Variants in PFKL observed in about 807,000 individuals in gnomAD.
PFKL encodes the protein ATP-dependent 6-phosphofructokinase, liver type.
Under a neutral mutation model 92.1 loss-of-function variants are expected in PFKL, and 74 were observed. That is an observed-to-expected ratio of 0.80 (90% confidence interval 0.67 to 0.97). The LOEUF is 0.97. PFKL is among the 50% of genes least tolerant of loss of function. The probability of loss-of-function intolerance (pLI) is 0.00; values close to 1 mark genes in which losing one functional copy is unlikely to be tolerated. For missense variants in PFKL, 1,028 were observed against 1,116.6 expected, an observed-to-expected ratio of 0.92 and a Z score of 1.13; for synonymous variants, 494 against 456.4, an observed-to-expected ratio of 1.08 and a Z score of -1.05.
chr21:44,312,203 CCT>C lies in PFKL; in HGVS notation c.337_338del (p.Leu113ValfsTer31), dbSNP rs750877408. On this transcript the variant is annotated frameshift_variant, in exon 4 of 22. Coordinates refer to ENST00000349048, the MANE Select transcript of PFKL (RefSeq NM_002626.6). LOFTEE classifies it high-confidence loss of function. The part of the protein sequence containing the change: ...YNLVQHGITN[L>X]CVIGGDGSLT... ...ACCTGGTCCAGCACGGCATCACCAA[CCT>C]GTGCGTCATCGGCGGGGATGGCAGC... The C allele has an allele frequency of 1.2e-6, 2 of 1,607,202 alleles. No individual in the cohort carries two copies. The highest frequency in any genetic ancestry group is 1.1e-5 in the South Asian group (1 of 89,886).
chr21:44,300,185 C>A lies in PFKL; in HGVS notation c.80C>A (p.Ala27Glu). The change falls in exon 1 of 22, where the codon GCG becomes GAG. Residue 27 changes from alanine to glutamate, a missense_variant. Transcript: ENST00000349048. ...AIGVLTSGGD[A>E]QGMNAAVRAV... ...GGCGTCCTGACCAGCGGCGGCGACG[C>A]GCAAGGTGGGCGGGGGTCCCGGCCG... The A allele has an allele frequency of 1.8e-6, 2 of 1,138,398 alleles. No homozygotes were observed. The highest frequency in any genetic ancestry group is 2.2e-6 in the Non-Finnish European group (2 of 921,562). 70.5% of individuals were successfully genotyped at this position (1,138,398 alleles called of 1,614,324 possible).
chr21:44,321,638 T>C (rs2047356563), intron 12 of PFKL, 91 bp from the exon 13 acceptor site: 19 of 1,368,598 alleles, frequency 1.4e-5, no homozygotes, highest in Non-Finnish European at 1.7e-5. Flanking sequence ...TGGCCCCTTT[T>C]TCCAGAACCT....
intron 1 of PFKL, among the ~76,000 whole-genome samples, chr21:44,301,306 CT>C (rs1197529179): frequency 6.6e-6 from 1 of 152,140 alleles, no homozygotes; most frequent in Non-Finnish European, 1.5e-5. Context: ...CCCACCCGCC[CT>C]TTTCACAGCT....
At chr21:44,300,295 GCCCGGCCTCCCGCCCCGGCCTCCCGC>G (rs552536568) in intron 1 of PFKL, 105 bp downstream of exon 1, 16 of 418,718 alleles carry the variant, frequency 3.8e-5, no homozygotes, top group South Asian at 1.9e-4. Flanking sequence ...TCTCGGGCCG[GCCCGGCCTCCCGCCCCGGCCTCCCGC>G]CCCGGCCTCC....
At chr21:44,315,066 C>G (rs948170130) in intron 7 of PFKL, 3 of 152,396 alleles carry the variant, frequency 2.0e-5, no homozygotes, top group African/African-American at 7.2e-5. Context: ...CTTCTAGAAC[C>G]TTCCCCAGTG....
chr21:44,300,376 C>G (rs992761800), intron 1 of PFKL, among the ~76,000 whole-genome samples, 186 bp downstream of exon 1: 1 of 151,974 alleles, frequency 6.6e-6, no homozygotes, highest in African/African-American at 2.4e-5. Context: ...GGTCTCCGGC[C>G]TACGTGCGGC....
chr21:44,305,841 C>T (rs773532123), intron 1 of PFKL: 18 of 1,366,604 alleles, frequency 1.3e-5, no homozygotes, highest in African/African-American at 7.4e-5. Flanking sequence ...CAGACTGTTT[C>T]TTTCACTGCA....
chr21:44,313,328 G>A lies in PFKL; in HGVS notation c.593+185G>A, dbSNP rs867517365. On this transcript the variant is annotated intron_variant, in intron 5 of 21. Transcript: ENST00000349048. ...GGCTCCACTCCCACTCTGCCAGGCCGCGGGGGGCCTTTGTGCAGCCCCTTC... is the reference window on the plus strand; with the variant it reads ...GGCTCCACTCCCACTCTGCCAGGCCACGGGGGGCCTTTGTGCAGCCCCTTC... Among the ~76,000 whole-genome samples, 14 of 152,332 alleles carry A rather than the reference G, an allele frequency of 9.2e-5. 1 individual carries two copies. Among genetic ancestry groups the A allele is most frequent in the Middle Eastern group, 3.4e-3 (1 of 294 alleles).
chr21:44,311,357 T>C (rs554422670), intron 3 of PFKL, among the ~76,000 whole-genome samples: 5 of 142,676 alleles, frequency 3.5e-5, no homozygotes, highest in Admixed American at 2.7e-4. Flanking sequence ...CACACAGACG[T>C]GCACACAGAC....
At chr21:44,308,984 T>C (rs1179703989) in intron 2 of PFKL, among the ~76,000 whole-genome samples, 1 of 152,140 alleles carries the variant, frequency 6.6e-6, no homozygotes, top group Non-Finnish European at 1.5e-5. Flanking sequence ...GCATGGAAAC[T>C]CAGGGAGGGG....
intron 1 of PFKL, among the ~76,000 whole-genome samples, chr21:44,302,180 C>T (rs1356847515): frequency 6.6e-6 from 1 of 152,260 alleles, no homozygotes; most frequent in Non-Finnish European, 1.5e-5. Context: ...AGTGCACCTG[C>T]TGGCCGATCA....
intron 1 of PFKL, chr21:44,305,808 C>A: frequency 2.9e-6 from 4 of 1,366,898 alleles, no homozygotes; most frequent in Non-Finnish European, 3.9e-6. Context: ...AGGAAACTGG[C>A]TTTGCCAAGG....
In PFKL at chr21:44,327,107, C is replaced by T. The variant is rs1431797235; in HGVS notation, c.*245C>T. The T allele has an allele frequency of 1.1e-5, 6 of 560,158 alleles. No individual in the cohort carries two copies. Among genetic ancestry groups the T allele is most frequent in the Non-Finnish European group, 1.9e-5 (6 of 311,484 alleles). 34.7% of individuals were successfully genotyped at this position (560,158 alleles called of 1,614,324 possible). Reference sequence around the variant, plus strand: ...GCCCTGGGGCATCCACCTTCCTGCCCAGGGGACGTGGCGCTGTCGGTGTTT... The same window carrying T: ...GCCCTGGGGCATCCACCTTCCTGCCTAGGGGACGTGGCGCTGTCGGTGTTT... On this transcript the variant is annotated 3_prime_UTR_variant, in exon 22 of 22. Coordinates refer to ENST00000349048, the MANE Select transcript of PFKL (RefSeq NM_002626.6).
chr21:44,322,122 C>T lies in PFKL; in HGVS notation c.1339-11C>T, dbSNP rs1403452093. 3 of 1,603,232 alleles carry T rather than the reference C, an allele frequency of 1.9e-6. No individual in the cohort carries two copies. Among genetic ancestry groups the T allele is most frequent in the Non-Finnish European group, 1.7e-6 (2 of 1,176,202 alleles). On this transcript the variant is annotated splice_polypyrimidine_tract_variant and intron_variant, in intron 13 of 21. Transcript: ENST00000349048. ...CAGGCTGGCCCCTGAAGCTGCATCT[C>T]CTCCTGGCAGGTGCAAGAAGTAGGC...
At chr21:44,315,183 G>C in intron 7 of PFKL, 2 of 152,366 alleles carry the variant, frequency 1.3e-5, no homozygotes, top group Middle Eastern at 3.4e-3. Context: ...CGGGGGTTCC[G>C]GCTCCAGTGG....
At chr21:44,300,648 G>T (rs1020469154) in intron 1 of PFKL, among the ~76,000 whole-genome samples, 1 of 152,260 alleles carries the variant, frequency 6.6e-6, no homozygotes. Context: ...ACTCACTCCC[G>T]GACCGCGCCT....
At chr21:44,306,623 G>GC (rs948287313) in intron 1 of PFKL, 58 bp from the exon 2 acceptor site, 1 of 1,485,170 alleles carries the variant, frequency 6.7e-7, no homozygotes, top group Admixed American at 1.8e-5. Context: ...AGATGGGGAG[G>GC]GTGTCCAGGG....
rs2145995991 is a variant in PFKL, at chr21:44,319,284, C to G, written c.1063-67C>G. The G allele has an allele frequency of 3.6e-6, 5 of 1,380,682 alleles. No homozygotes were observed. In the East Asian group the frequency reaches 6.9e-5, roughly 19 times the overall value. The allele number at this position is 1,380,682 out of a possible 1,614,324, so 85.5% of individuals were successfully genotyped here. On this transcript the variant is annotated intron_variant, in intron 10 of 21. Coordinates refer to ENST00000349048, the MANE Select transcript of PFKL (RefSeq NM_002626.6). ...ATCTGCCCTCGTCAGGCCCACCAGA[C>G]AGGGCAGTAGCCATGGGTGTGCGGG...
chr21:44,310,407 C>T (rs974331737), intron 2 of PFKL, among the ~76,000 whole-genome samples: 3 of 152,180 alleles, frequency 2.0e-5, no homozygotes, highest in Admixed American at 1.3e-4. Flanking sequence ...GATGGCCACT[C>T]GGGTCCCCTG....
Sources: gnomAD v4.1 joint callset for allele counts (sites outside exome capture counted in the v4.1 genomes callset) on GRCh38, gnomAD v4.1.1 for gene constraint, MANE v1.5 for transcripts, NCBI Gene and HGNC (gene_info 2026-07-23, HGNC 2026-07-21) for gene names.